Variants in MAN2A1 observed in about 807,000 individuals in gnomAD.
The protein encoded by MAN2A1 is mannosidase alpha class 2A member 1, also known as alpha-mannosidase 2.
In MAN2A1, 76 loss-of-function variants were observed where a neutral mutation model predicts 142.6. The ratio of observed to expected loss-of-function variants is 0.53; its 90% CI spans 0.44 to 0.65. MAN2A1 has a LOEUF of 0.65. MAN2A1 is among the 30% of genes least tolerant of loss of function. MAN2A1 has a pLI of 0.00. For synonymous variants in MAN2A1, 559 were observed against 473.2 expected (o/e 1.18, Z -2.35); for missense variants, 1,311 against 1,365.1 (o/e 0.96, Z 0.62).
chr5:109,767,127 G>A (rs1358568870), intron 5 of MAN2A1, among the ~76,000 whole-genome samples: 3 of 152,132 alleles, frequency 2.0e-5, no homozygotes, highest in East Asian at 1.9e-4. Flanking sequence ...AAATAGGTAC[G>A]TTACTTTTCT....
At chr5:109,778,474 AG>A (rs1332077457) in intron 8 of MAN2A1, among the ~76,000 whole-genome samples, 1 of 152,120 alleles carries the variant, frequency 6.6e-6, no homozygotes, top group Non-Finnish European at 1.5e-5. Flanking sequence ...TGTTTGCTGT[AG>A]AATTTTGTAG....
rs550499534 is a variant in MAN2A1, at chr5:109,764,081, A to G, written c.836-3454A>G. Among the ~76,000 whole-genome samples the G allele has an allele frequency of 2.6e-3, 402 of 152,218 alleles. 1 individual carries two copies. The highest frequency in any genetic ancestry group is 3.5e-3 in the Non-Finnish European group (239 of 67,996). On this transcript the variant is annotated intron_variant, in intron 5 of 21. Coordinates refer to ENST00000261483, the MANE Select transcript of MAN2A1 (RefSeq NM_002372.4). ...CTCCCAAAGTGCTGGGATTACAGGC[A>G]TGAGCCACCGTGTCCGGCCTATTAT...
At chr5:109,781,695 C>T (rs888270461) in intron 9 of MAN2A1, 97 bp downstream of exon 9, 2 of 732,988 alleles carry the variant, frequency 2.7e-6, no homozygotes, top group Admixed American at 3.5e-5. Flanking sequence ...TCATGTAGTA[C>T]ATTATGTAGT....
At chr5:109,702,311 TA>T (rs1751007251) in intron 1 of MAN2A1, among the ~76,000 whole-genome samples, 1 of 125,296 alleles carries the variant, frequency 8.0e-6, no homozygotes, top group South Asian at 2.4e-4. Context: ...AGACAGAACA[TA>T]AATTGTGTGT....
At chr5:109,822,171 C>CT (rs1279030258) in intron 15 of MAN2A1, among the ~76,000 whole-genome samples, 2,957 of 122,934 alleles carry the variant, frequency 0.024, 32 homozygotes, top group Middle Eastern at 0.079. Context: ...TGGGGTTTTT[C>CT]TTTTTTTTTT....
chr5:109,781,690 T>A, intron 9 of MAN2A1, 92 bp downstream of exon 9: 1 of 801,244 alleles, frequency 1.2e-6, no homozygotes, highest in Non-Finnish European at 1.9e-6. Context: ...ATCATTCATG[T>A]AGTACATTAT....
At chr5:109,756,025 A>C (rs1038710738) in intron 5 of MAN2A1, among the ~76,000 whole-genome samples, 5 of 151,942 alleles carry the variant, frequency 3.3e-5, no homozygotes, top group Admixed American at 6.6e-5. Flanking sequence ...AGTTGGCCCA[A>C]CTTGAGTCAG....
intron 19 of MAN2A1, among the ~76,000 whole-genome samples, chr5:109,848,812 G>A (rs894683612): frequency 6.6e-6 from 1 of 152,110 alleles, no homozygotes; most frequent in Non-Finnish European, 1.5e-5. Context: ...CCTTCCTTCA[G>A]ACTCTTATTT....
chr5:109,819,266 G>A (rs1320028825), intron 13 of MAN2A1, among the ~76,000 whole-genome samples: 77 of 152,156 alleles, frequency 5.1e-4, no homozygotes, highest in Admixed American at 4.9e-3. Context: ...TAGGTTAGGT[G>A]TATTAAACAC....
intron 2 of MAN2A1, among the ~76,000 whole-genome samples, chr5:109,714,406 T>C (rs1033396111): frequency 6.6e-6 from 1 of 152,220 alleles, no homozygotes; most frequent in African/African-American, 2.4e-5. Flanking sequence ...GATAATATTT[T>C]GGATATACTG....
At chr5:109,814,474 G>A (rs1483459411) in intron 12 of MAN2A1, among the ~76,000 whole-genome samples, 3 of 152,054 alleles carry the variant, frequency 2.0e-5, no homozygotes, top group Non-Finnish European at 4.4e-5. Flanking sequence ...ATAGGAGTTC[G>A]TGTGTCAGAT....
At chr5:109,809,453 C>T (rs114398305) in intron 12 of MAN2A1, among the ~76,000 whole-genome samples, 2,045 of 152,196 alleles carry the variant, frequency 0.013, 35 homozygotes, top group African/African-American at 0.047. Context: ...GTAACCCATA[C>T]ACTCAGTTTT....
chr5:109,781,322 C>A, intron 8 of MAN2A1, 74 bp from the exon 9 acceptor site: 3 of 759,360 alleles, frequency 4.0e-6, no homozygotes, highest in Admixed American at 3.4e-5. Flanking sequence ...TTATTATTAA[C>A]TTTCCCTAAC....
intron 12 of MAN2A1, among the ~76,000 whole-genome samples, chr5:109,806,463 A>G (rs1580271670): frequency 6.6e-6 from 1 of 152,312 alleles, no homozygotes; most frequent in South Asian, 2.1e-4. Context: ...AAACTCTGCT[A>G]CGAGCTAAGT....
Position 109,713,735 on chromosome 5 carries a change from G to T in MAN2A1, c.351G>T (p.Leu117=). Residue 117 remains leucine, a synonymous_variant, in exon 2 of 22, where the codon CTG becomes CTT. Coordinates refer to ENST00000261483, the MANE Select transcript of MAN2A1 (RefSeq NM_002372.4). ...LSLSVDTADC[L]FASQSGSHNS... ...TCTCAGTTGACACTGCAGACTGTCT[G>T]TTTGCTTCACAAAGTGGAAGTCACA... The T allele has an allele frequency of 6.2e-7, 1 of 1,613,358 alleles. No homozygotes were observed. Among genetic ancestry groups the T allele is most frequent in the Non-Finnish European group, 8.5e-7 (1 of 1,179,904 alleles).
chr5:109,865,173 A>C lies in MAN2A1; in HGVS notation c.3282+27A>C, dbSNP rs539022088. ...TAAGTTGAAAAGGTTATTTTTGCTT[A>C]CTGTTAGTGTGCTTTGAAATCCTCT... On this transcript the variant is annotated intron_variant, in intron 21 of 21. Transcript: ENST00000261483. 112 of 1,506,428 alleles carry C rather than the reference A, an allele frequency of 7.4e-5. 2 individuals carry two copies. The South Asian group carries it at 1.2e-3, about 16-fold the overall frequency. The allele number at this position is 1,506,428 out of a possible 1,614,324, so 93.3% of individuals were successfully genotyped here.
At chr5:109,847,078 A>C (rs1034988536) in intron 18 of MAN2A1, among the ~76,000 whole-genome samples, 7 of 152,182 alleles carry the variant, frequency 4.6e-5, no homozygotes, top group Non-Finnish European at 1.0e-4. Context: ...ATATTGATAC[A>C]ATTTTTTAAA....
intron 3 of MAN2A1, among the ~76,000 whole-genome samples, chr5:109,725,404 C>G (rs1296671672): frequency 6.6e-6 from 1 of 152,152 alleles, no homozygotes; most frequent in Non-Finnish European, 1.5e-5. Context: ...CAGGTCTACA[C>G]CCCTACAAAC....
chr5:109,779,477 C>T (rs904943643), intron 8 of MAN2A1, among the ~76,000 whole-genome samples: 8 of 151,992 alleles, frequency 5.3e-5, no homozygotes, highest in African/African-American at 9.7e-5. Context: ...CTTTCCTGAG[C>T]TCATCTGTAT....
Sources: gnomAD v4.1 joint callset for allele counts (sites outside exome capture counted in the v4.1 genomes callset) on GRCh38, gnomAD v4.1.1 for gene constraint, MANE v1.5 for transcripts, NCBI Gene and HGNC (gene_info 2026-07-23, HGNC 2026-07-21) for gene names.